PARD3: variants seen among roughly 807,000 people sequenced by gnomAD.
The protein encoded by PARD3 is par-3 family cell polarity regulator.
A neutral mutation model predicts 155.4 loss-of-function variants in PARD3; 75 were observed. That is an observed-to-expected ratio of 0.48 (90% CI 0.40 to 0.58). The LOEUF (loss-of-function observed/expected upper bound fraction) is 0.58, where lower values mean the gene tolerates loss of function less well. Among genes scored for constraint, PARD3 ranks in the 20% least tolerant of loss-of-function variants. The pLI, the probability that PARD3 is intolerant of heterozygous loss-of-function variation, is 0.00. For missense variants in PARD3, 1,642 were observed against 1,721.7 expected (o/e 0.95, Z 0.82); for synonymous variants, 576 against 610.5 (o/e 0.94, Z 0.83).
chr10:34,239,748 A>C (rs979769449), intron 22 of PARD3, among the ~76,000 whole-genome samples: 12 of 151,488 alleles, frequency 7.9e-5, no homozygotes, highest in Middle Eastern at 3.4e-3. Flanking sequence ...GTTTGCAGTG[A>C]GCCAATAACG....
chr10:34,232,161 T>A (rs1201971762), intron 22 of PARD3, among the ~76,000 whole-genome samples: 1 of 152,156 alleles, frequency 6.6e-6, no homozygotes, highest in Non-Finnish European at 1.5e-5. Context: ...ATACCACGTC[T>A]TATAGGTATT....
At chr10:34,501,328 G>A (rs1004571455) in intron 3 of PARD3, among the ~76,000 whole-genome samples, 4 of 152,032 alleles carry the variant, frequency 2.6e-5, no homozygotes, top group Non-Finnish European at 5.9e-5. Flanking sequence ...CCCTCTGCCC[G>A]ACTTGCTCCT....
Position 34,612,106 on chromosome 10 carries a change from G to A in PARD3, c.222+84212C>T, listed in dbSNP as rs543165939. Among the ~76,000 whole-genome samples the A allele has an allele frequency of 1.2e-3, 180 of 152,048 alleles. 3 individuals carry two copies. The highest frequency in any genetic ancestry group is 2.1e-4 in the South Asian group (1 of 4,808). On this transcript the variant is annotated intron_variant, in intron 2 of 24. Transcript: ENST00000374788. Reference sequence around the variant, plus strand: ...CTCCCAAAGTGCTCGGATTACAGGCGTGAGCCACCGTGCCCAGCTGTGATA... The same window carrying A: ...CTCCCAAAGTGCTCGGATTACAGGCATGAGCCACCGTGCCCAGCTGTGATA...
chr10:34,574,216 C>A lies in PARD3; in HGVS notation c.223-57057G>T, dbSNP rs542625478. 2.6e-5 allele frequency among the ~76,000 whole-genome samples: 4 copies of A among 152,254 alleles called. No individual in the cohort carries two copies. In the East Asian group the frequency reaches 7.7e-4, roughly 29 times the overall value. ...AAATATTGATTATAAAAAGGGGACA[C>A]TGGACTTATGGGTTAAAAATCATTA... On this transcript the variant is annotated intron_variant, in intron 2 of 24. Coordinates refer to ENST00000374788, the MANE Select transcript of PARD3 (RefSeq NM_001184785.2).
At chr10:34,193,913 C>T (rs966766425) in intron 22 of PARD3, among the ~76,000 whole-genome samples, 2 of 152,094 alleles carry the variant, frequency 1.3e-5, no homozygotes, top group Non-Finnish European at 2.9e-5. Context: ...ACGGGGTGCT[C>T]CTCCTCCTGT....
chr10:34,340,119 A>G (rs1836646133), intron 16 of PARD3, among the ~76,000 whole-genome samples: 1 of 152,164 alleles, frequency 6.6e-6, no homozygotes, highest in Non-Finnish European at 1.5e-5. Flanking sequence ...CACATTCCCC[A>G]CAGCAAAATT....
At chr10:34,561,646 G>A (rs1192450803) in intron 2 of PARD3, among the ~76,000 whole-genome samples, 2 of 151,862 alleles carry the variant, frequency 1.3e-5, no homozygotes, top group Non-Finnish European at 2.9e-5. Context: ...AGCCTCCCGA[G>A]TAGCTGGGAT....
chr10:34,261,771 A>AG, intron 22 of PARD3, among the ~76,000 whole-genome samples: 1 of 98,626 alleles, frequency 1.0e-5, no homozygotes, highest in African/African-American at 3.0e-5. Flanking sequence ...GAAGGAAGGA[A>AG]GAAAGAAAGA....
intron 22 of PARD3, among the ~76,000 whole-genome samples, chr10:34,198,787 G>A (rs1217889989): frequency 6.6e-6 from 1 of 152,036 alleles, no homozygotes; most frequent in Non-Finnish European, 1.5e-5. Context: ...AAATACAGAG[G>A]GAAAGTCAAA....
chr10:34,467,329 TTGTGTG>T lies in PARD3; in HGVS notation c.582+2750_582+2755del, dbSNP rs61218571. ...TATATGAACATAGCATGACTCCAACTTGTGTGTGTGTGTGTGTGTGTGTGTGTGTGT... is the reference window on the plus strand; with the variant it reads ...TATATGAACATAGCATGACTCCAACTTGTGTGTGTGTGTGTGTGTGTGTGT... On this transcript the variant is annotated intron_variant, in intron 4 of 24. Transcript: ENST00000374788. 6.3e-3 allele frequency among the ~76,000 whole-genome samples: 933 copies of T among 147,090 alleles called. 14 individuals are homozygous for T. The highest frequency in any genetic ancestry group is 0.017 in the African/African-American group (670 of 40,006).
intron 1 of PARD3, among the ~76,000 whole-genome samples, chr10:34,799,321 C>G (rs1300477631): frequency 6.6e-6 from 1 of 152,068 alleles, no homozygotes; most frequent in Non-Finnish European, 1.5e-5. Context: ...GGATTACAAG[C>G]GGGAGCCACC....
At chr10:34,615,903 C>A (rs893218522) in intron 2 of PARD3, among the ~76,000 whole-genome samples, 3 of 151,996 alleles carry the variant, frequency 2.0e-5, no homozygotes, top group Non-Finnish European at 4.4e-5. Context: ...GTCATCTCAC[C>A]CCAGTTAGAA....
chr10:34,687,096 T>C (rs2093965225), intron 2 of PARD3, among the ~76,000 whole-genome samples: 1 of 152,092 alleles, frequency 6.6e-6, no homozygotes, highest in Non-Finnish European at 1.5e-5. Context: ...TAAAAAATTA[T>C]GAACTTTTTA....
At chr10:34,159,934 G>A (rs947056368) in intron 22 of PARD3, among the ~76,000 whole-genome samples, 1 of 152,166 alleles carries the variant, frequency 6.6e-6, no homozygotes, top group African/African-American at 2.4e-5. Flanking sequence ...TCTATGAGGA[G>A]GGCAGTTATC....
At chr10:34,700,434 T>C (rs1030173445) in intron 1 of PARD3, among the ~76,000 whole-genome samples, 1 of 152,236 alleles carries the variant, frequency 6.6e-6, no homozygotes, top group Non-Finnish European at 1.5e-5. Flanking sequence ...ACATGTATAA[T>C]GCATAGGCTC....
intron 19 of PARD3, among the ~76,000 whole-genome samples, chr10:34,322,168 C>A (rs1958421156): frequency 1.3e-5 from 2 of 152,076 alleles, no homozygotes; most frequent in Admixed American, 1.3e-4. Flanking sequence ...CAAGAATGGC[C>A]CCGTTGGACT....
At chr10:34,355,077 C>A (rs760784914) in intron 14 of PARD3, among the ~76,000 whole-genome samples, 10 of 151,938 alleles carry the variant, frequency 6.6e-5, no homozygotes, top group African/African-American at 2.2e-4. Flanking sequence ...GGCTCACAGG[C>A]GTAATTCCAG....
intron 5 of PARD3, among the ~76,000 whole-genome samples, chr10:34,432,040 TCAAAAAAA>T (rs2075951651): frequency 3.1e-4 from 1 of 3,194 alleles, no homozygotes; most frequent in African/African-American, 5.2e-4. Flanking sequence ...AGACTCTGTC[TCAAAAAAA>T]AAAAAAAAAA....
At chr10:34,552,990 A>G (rs610601) in intron 2 of PARD3, among the ~76,000 whole-genome samples, 56,164 of 152,068 alleles carry the variant, frequency 0.37, 10,745 homozygotes, top group South Asian at 0.45. Flanking sequence ...TAGATGAAGC[A>G]GCCACTTCAA....
Sources: gnomAD v4.1 joint callset for allele counts (sites outside exome capture counted in the v4.1 genomes callset) on GRCh38, gnomAD v4.1.1 for gene constraint, MANE v1.5 for transcripts, NCBI Gene and HGNC (gene_info 2026-07-23, HGNC 2026-07-21) for gene names.